PALLD: variants seen among roughly 807,000 people sequenced by gnomAD.
The protein encoded by PALLD is palladin, cytoskeletal associated protein, also known as palladin.
PALLD carries 61 observed loss-of-function variants against 123.5 expected under a neutral mutation model. That is an observed-to-expected ratio of 0.49 (90% CI 0.40 to 0.61). PALLD has a LOEUF of 0.61. PALLD is among the 20% of genes least tolerant of loss of function. The pLI is 0.00. For synonymous variants in PALLD, 465 were observed against 496.4 expected (o/e 0.94, Z 0.84); for missense variants, 1,273 against 1,377.0 (o/e 0.92, Z 1.20).
At chr4:168,647,780 C>CG (rs1491530477) in intron 2 of PALLD, 13 of 79,138 alleles carry the variant, frequency 1.6e-4, no homozygotes, top group Non-Finnish European at 2.6e-4. Context: ...GACTCTGTCT[C>CG]AAAAAAAAAA....
At chr4:168,833,144 G>T (rs1581688530) in intron 10 of PALLD, among the ~76,000 whole-genome samples, 2 of 152,278 alleles carry the variant, frequency 1.3e-5, no homozygotes, top group South Asian at 2.1e-4. Context: ...GTCCCGAATG[G>T]TGAGTGGTCC....
chr4:168,894,554 A>G lies in PALLD; in HGVS notation c.2101-25A>G, dbSNP rs749980711. On this transcript the variant is annotated intron_variant, in intron 11 of 21. Transcript: ENST00000505667. ...ATTTGTGATTTTTTTCTAATTTTGT[A>G]TTTTTTGTGACTTACGTTGTTTAGA... 18 of 1,519,096 alleles carry G rather than the reference A, an allele frequency of 1.2e-5. No individual in the cohort carries two copies. The South Asian group carries it at 1.8e-4, about 15-fold the overall frequency. 94.1% of individuals were successfully genotyped at this position (1,519,096 alleles called of 1,614,324 possible).
chr4:168,596,721 T>TAAAA (rs56390001), intron 2 of PALLD, among the ~76,000 whole-genome samples: 1 of 132,876 alleles, frequency 7.5e-6, no homozygotes, highest in African/African-American at 2.7e-5. Flanking sequence ...TTGGCCTTGT[T>TAAAA]AAAAAAAAAA....
chr4:168,641,221 A>AG (rs1222633275), intron 2 of PALLD, among the ~76,000 whole-genome samples: 8 of 151,226 alleles, frequency 5.3e-5, no homozygotes, highest in Middle Eastern at 3.4e-3. Context: ...AAAAAAAAAA[A>AG]AGAGAGAGAT....
At chr4:168,818,265 CT>C (rs368840528) in intron 10 of PALLD, among the ~76,000 whole-genome samples, 87 of 146,356 alleles carry the variant, frequency 5.9e-4, no homozygotes, top group South Asian at 5.0e-3. Context: ...CACTAGTTGA[CT>C]TTTTTTTTTT....
chr4:168,886,464 A>G (rs897362361), intron 10 of PALLD, among the ~76,000 whole-genome samples: 9 of 152,134 alleles, frequency 5.9e-5, no homozygotes, highest in African/African-American at 2.2e-4. Context: ...CAACATAGGG[A>G]GAACCTGTCC....
chr4:168,814,114 C>T (rs1008091109), intron 10 of PALLD, among the ~76,000 whole-genome samples: 1 of 152,144 alleles, frequency 6.6e-6, no homozygotes, highest in African/African-American at 2.4e-5. Flanking sequence ...ATTTTTGAGA[C>T]GTTCCAAACC....
chr4:168,617,580 G>A lies in PALLD; in HGVS notation c.909-50610G>A, dbSNP rs151195963. Among the ~76,000 whole-genome samples the A allele has an allele frequency of 6.6e-3, 1,003 of 152,244 alleles. 10 individuals carry two copies. The highest frequency in any genetic ancestry group is 0.023 in the African/African-American group (941 of 41,540). The stretch of plus-strand genomic sequence containing the variant: ...AGAATTAAAGAGAGTATAATGAGGG[G>A]ATGAAGAGCAAAGACTATAGGCAGA... On this transcript the variant is annotated intron_variant, in intron 2 of 21. Coordinates refer to ENST00000505667, the MANE Select transcript of PALLD (RefSeq NM_001166108.2).
chr4:168,729,572 C>T (rs1225767259), intron 10 of PALLD, among the ~76,000 whole-genome samples: 1 of 152,176 alleles, frequency 6.6e-6, no homozygotes, highest in Non-Finnish European at 1.5e-5. Context: ...ATTCATTCCA[C>T]CCTTGACTAC....
rs193026667 is a variant in PALLD, at chr4:168,881,265, G to A, written c.1965-9657G>A. 4.8e-3 allele frequency among the ~76,000 whole-genome samples: 730 copies of A among 152,120 alleles called. 7 individuals are homozygous for A. Among genetic ancestry groups the A allele is most frequent in the Admixed American group, 5.5e-3 (84 of 15,272 alleles). On this transcript the variant is annotated intron_variant, in intron 10 of 21. Transcript: ENST00000505667. ...TGTTTTATTCTGTTTGTTTCACACT[G>A]TTCTTATTTTCATCTGTAGACAGGA... is the stretch of plus-strand genomic sequence containing the variant.
At chr4:168,704,898 G>A (rs145620583) in intron 8 of PALLD, among the ~76,000 whole-genome samples, 2,791 of 152,150 alleles carry the variant, frequency 0.018, 88 homozygotes, top group South Asian at 0.14. Context: ...GATCATTATA[G>A]TAGATCAAAT....
At chr4:168,519,595 G>A (rs552525379) in intron 2 of PALLD, among the ~76,000 whole-genome samples, 22 of 152,032 alleles carry the variant, frequency 1.4e-4, no homozygotes, top group African/African-American at 4.3e-4. Flanking sequence ...ATCTTTTATG[G>A]TATAGTCTAC....
At chr4:168,548,309 GA>G (rs1202328298) in intron 2 of PALLD, among the ~76,000 whole-genome samples, 1 of 143,220 alleles carries the variant, frequency 7.0e-6, no homozygotes, top group African/African-American at 2.6e-5. Flanking sequence ...TTTTTCAGAT[GA>G]AAAAAGGAAA....
At position 168,925,017 on chromosome 4, in the gene PALLD, T is replaced by C. The variant is rs114593924; in HGVS notation, c.3297T>C (p.Tyr1099=). 3.0e-3 allele frequency: 4,886 copies of C among 1,614,102 alleles called. 97 individuals carry two copies. Among genetic ancestry groups the C allele is most frequent in the East Asian group, 2.3e-3 (105 of 44,872 alleles). The change falls in exon 20 of 22, where the codon TAT becomes TAC. Residue 1099 remains tyrosine (Y), a synonymous_variant. Transcript: ENST00000505667. The stretch of plus-strand genomic sequence containing the variant: ...CCACAAAAGAAGATGCTGGGTGGTA[T>C]ACTGTGTCAGCCAAGAATGAAGCAG... ...QGATKEDAGW[Y]TVSAKNEAGI... is the part of the protein sequence containing the mutation.
At chr4:168,623,657 A>G (rs17054420) in intron 2 of PALLD, among the ~76,000 whole-genome samples, 1,892 of 152,340 alleles carry the variant, frequency 0.012, 47 homozygotes, top group African/African-American at 0.043. Flanking sequence ...GTGTGAACGC[A>G]TAAGGAAAGG....
At chr4:168,612,686 CAG>C (rs1773854405) in intron 2 of PALLD, among the ~76,000 whole-genome samples, 1 of 152,158 alleles carries the variant, frequency 6.6e-6, no homozygotes, top group Non-Finnish European at 1.5e-5. Flanking sequence ...CCAAGAGAAA[CAG>C]AGATGTGTCA....
At chr4:168,882,706 C>A (rs1752774707) in intron 10 of PALLD, among the ~76,000 whole-genome samples, 1 of 152,094 alleles carries the variant, frequency 6.6e-6, no homozygotes, top group Admixed American at 6.6e-5. Flanking sequence ...CAATCCTGGA[C>A]AAGTATTTAC....
chr4:168,647,834 A>G (rs1193629902), intron 2 of PALLD: 1 of 152,104 alleles, frequency 6.6e-6, no homozygotes, highest in South Asian at 2.1e-4. Flanking sequence ...AGTAGTTACA[A>G]AGAAAGTCTT....
chr4:168,523,278 G>C (rs925969969), intron 2 of PALLD, among the ~76,000 whole-genome samples: 6 of 151,002 alleles, frequency 4.0e-5, no homozygotes, highest in South Asian at 4.2e-4. Flanking sequence ...GAGGAAGGAG[G>C]GGGGAGGGAG....
Sources: allele counts gnomAD v4.1 joint callset (sites outside exome capture counted in the v4.1 genomes callset), GRCh38; gene constraint gnomAD v4.1.1; transcripts MANE v1.5; gene names NCBI Gene and HGNC (gene_info 2026-07-23, HGNC 2026-07-21).